SLC2A9: variants seen among roughly 807,000 people sequenced by gnomAD.
SLC2A9 encodes solute carrier family 2, facilitated glucose transporter member 9.
Under a neutral mutation model 50.6 loss-of-function variants are expected in SLC2A9, and 39 were observed. The ratio of observed to expected loss-of-function variants is 0.77; its 90% CI spans 0.60 to 1.01. SLC2A9 has a LOEUF of 1.01. Among genes scored for constraint, SLC2A9 ranks in the 50% least tolerant of loss-of-function variants. SLC2A9 has a pLI of 0.00. For missense variants in SLC2A9, 686 were observed against 677.6 expected, an observed-to-expected ratio of 1.01 and a Z score of -0.14; for synonymous variants, 324 against 276.9, an observed-to-expected ratio of 1.17 and a Z score of -1.69.
At chr4:10,004,161 G>A (rs563046343) in intron 2 of SLC2A9, among the ~76,000 whole-genome samples, 305 of 152,340 alleles carry the variant, frequency 2.0e-3, no homozygotes, top group Middle Eastern at 6.8e-3. Context: ...AAGATTGGTT[G>A]ACTGCTAAGT....
chr4:9,791,004 T>C (rs114004127), intron 3 of SLC2A9, among the ~76,000 whole-genome samples: 1 of 152,238 alleles, frequency 6.6e-6, no homozygotes, highest in African/African-American at 2.4e-5. Context: ...TTTGAATGTA[T>C]AGTCTTTGTG....
At chr4:9,971,581 C>A (rs1232472577) in intron 5 of SLC2A9, among the ~76,000 whole-genome samples, 3 of 152,174 alleles carry the variant, frequency 2.0e-5, no homozygotes, top group Admixed American at 2.0e-4. Context: ...CAATGTAGGA[C>A]CAACCAACAA....
intron 6 of SLC2A9, among the ~76,000 whole-genome samples, chr4:9,934,737 G>A (rs973773711): frequency 6.6e-6 from 1 of 152,192 alleles, no homozygotes; most frequent in African/African-American, 2.4e-5. Context: ...GCGGTTTGCT[G>A]TACCTATCAA....
chr4:9,797,019 G>T (rs1720674092), downstream of SLC2A9, among the ~76,000 whole-genome samples: 3 of 152,136 alleles, frequency 2.0e-5, no homozygotes, highest in South Asian at 6.2e-4. Flanking sequence ...ACAATACTAT[G>T]ATCTACCACA....
At chr4:9,841,740 A>T (rs1344151676) in intron 10 of SLC2A9, among the ~76,000 whole-genome samples, 2 of 152,128 alleles carry the variant, frequency 1.3e-5, no homozygotes, top group African/African-American at 2.4e-5. Flanking sequence ...ACCGGAACCC[A>T]TTCCATGTTG....
intron 10 of SLC2A9, chr4:9,879,382 ATG>A (rs3834811): frequency 8.5e-3 from 5,026 of 591,244 alleles, no homozygotes; most frequent in Middle Eastern, 0.015. Flanking sequence ...TTATGTGTGT[ATG>A]TGTGTGTGTG....
chr4:9,927,808 G>A (rs1204959590), intron 6 of SLC2A9, among the ~76,000 whole-genome samples: 2 of 152,128 alleles, frequency 1.3e-5, no homozygotes, highest in Non-Finnish European at 2.9e-5. Context: ...CTATGTGACT[G>A]GGGATCAGGG....
intron 3 of SLC2A9, chr4:9,782,567 T>C: frequency 6.2e-7 from 1 of 1,613,936 alleles, no homozygotes; most frequent in African/African-American, 1.3e-5. Flanking sequence ...CCAGCTCAAC[T>C]GGCACAGGGA....
At chr4:9,904,916 G>C (rs1740347641) in intron 8 of SLC2A9, among the ~76,000 whole-genome samples, 1 of 152,166 alleles carries the variant, frequency 6.6e-6, no homozygotes, top group Non-Finnish European at 1.5e-5. Context: ...AGCTCTTTGA[G>C]AAGATGAAAG....
At chr4:10,019,145 T>G in intron 1 of SLC2A9, 72 bp from the exon 2 acceptor site, 12 of 1,246,026 alleles carry the variant, frequency 9.6e-6, no homozygotes, top group Non-Finnish European at 1.2e-5. Flanking sequence ...ACCTGGAACG[T>G]TCCCTCAGCT....
intron 2 of SLC2A9, among the ~76,000 whole-genome samples, chr4:10,005,262 G>A (rs1212993570): frequency 1.3e-5 from 2 of 152,188 alleles, no homozygotes; most frequent in Admixed American, 6.5e-5. Context: ...GTTACAGGAC[G>A]ACAGGCAGAG....
In SLC2A9 at chr4:9,785,873, G is replaced by T. The variant is rs549673693; in HGVS notation, n.386-5808C>A. On this transcript the variant is annotated intron_variant and non_coding_transcript_variant, in intron 3 of 3. Coordinates refer to the SLC2A9 transcript ENST00000503803. ...GCCAGGCAGGGGTAATTGCTATGTT[G>T]CAAAAAAACCCAGGGTGAGTAGGGT... Among the ~76,000 whole-genome samples, 190 of 152,266 alleles carry T rather than the reference G, an allele frequency of 1.2e-3. 2 individuals are homozygous for T. The highest frequency in any genetic ancestry group is 3.9e-3 in the African/African-American group (164 of 41,552).
rs201045515 is a variant in SLC2A9, at chr4:9,977,284, G to GT, written c.681+3307dup. 6.4e-3 allele frequency among the ~76,000 whole-genome samples: 977 copies of GT among 152,178 alleles called. 5 individuals carry two copies. The highest frequency in any genetic ancestry group is 7.7e-3 in the Non-Finnish European group (523 of 67,990). ...CCAGCCCACAGGTGGGACGTTTTTT[G>GT]TTTTTTAAAGGTCAGTTTCCAATAT... On this transcript the variant is annotated intron_variant, in intron 5 of 11. Transcript: ENST00000264784.
At chr4:9,850,879 C>A (rs1354645900) in intron 10 of SLC2A9, among the ~76,000 whole-genome samples, 1 of 152,142 alleles carries the variant, frequency 6.6e-6, no homozygotes, top group East Asian at 1.9e-4. Flanking sequence ...GCTGCCACTG[C>A]CAGCATGAAT....
At chr4:10,027,054 A>C (rs36084205) in intron 1 of SLC2A9, among the ~76,000 whole-genome samples, 66,680 of 151,724 alleles carry the variant, frequency 0.44, 16,259 homozygotes, top group South Asian at 0.59. Flanking sequence ...AAAAAAACAA[A>C]AAAAAAAAGA....
At chr4:9,926,334 A>T (rs555183425) in intron 6 of SLC2A9, among the ~76,000 whole-genome samples, 2 of 148,764 alleles carry the variant, frequency 1.3e-5, no homozygotes, top group African/African-American at 5.0e-5. Flanking sequence ...ACCAATGCAA[A>T]CACACATTGT....
At position 9,992,805 on chromosome 4, in the gene SLC2A9, G is replaced by T. The variant is rs575259240; in HGVS notation, c.410+3976C>A. Among the ~76,000 whole-genome samples, 2 of 152,268 alleles carry T rather than the reference G, an allele frequency of 1.3e-5. 1 individual carries two copies. Among genetic ancestry groups the T allele is most frequent in the South Asian group, 4.1e-4 (2 of 4,824 alleles). ...TTTGGGCTTCAGCCAGTTTGCTTTG[G>T]GTTCCTGTCACAGGCATTCAAAAAG... On this transcript the variant is annotated intron_variant, in intron 3 of 11. Transcript: ENST00000264784.
downstream of SLC2A9, among the ~76,000 whole-genome samples, chr4:9,795,004 A>AT (rs72490223): frequency 1.6e-5 from 1 of 60,988 alleles, no homozygotes; most frequent in Non-Finnish European, 3.7e-5. Context: ...GCATTAACCC[A>AT]TCCTTTTTTT....
intron 11 of SLC2A9, among the ~76,000 whole-genome samples, chr4:9,830,204 TC>T (rs1411514416): frequency 2.0e-5 from 3 of 152,156 alleles, no homozygotes; most frequent in Admixed American, 2.0e-4. Flanking sequence ...TGAGATCAAG[TC>T]CTTTGCAGTG....
Sources: allele counts gnomAD v4.1 joint callset (sites outside exome capture counted in the v4.1 genomes callset), GRCh38; gene constraint gnomAD v4.1.1; transcripts MANE v1.5; gene names NCBI Gene and HGNC (gene_info 2026-07-23, HGNC 2026-07-21).